The following CSGALNACT1 variants were observed in gnomAD, a reference collection of about 807,000 sequenced individuals.
CSGALNACT1 encodes the protein chondroitin sulfate N-acetylgalactosaminyltransferase 1.
CSGALNACT1 carries 52 observed loss-of-function variants against 51.0 expected under a neutral mutation model. The ratio of observed to expected loss-of-function variants is 1.02; its 90% CI spans 0.82 to 1.29. CSGALNACT1 has a LOEUF of 1.29. Among genes scored for constraint, CSGALNACT1 ranks in the 50% most tolerant of loss-of-function variants. The pLI is 0.00. For synonymous variants in CSGALNACT1, 341 were observed against 254.4 expected, an observed-to-expected ratio of 1.34 and a Z score of -3.24; for missense variants, 935 against 679.2, an observed-to-expected ratio of 1.38 and a Z score of -4.19.
rs975427345 is a variant in CSGALNACT1, at chr8:19,597,657, C to T, written c.-416+4114G>A. Among the ~76,000 whole-genome samples the T allele has an allele frequency of 6.6e-5, 10 of 152,156 alleles. 1 individual carries two copies. The highest frequency in any genetic ancestry group is 2.6e-4 in the Admixed American group (4 of 15,268). ...ACTAAGCAGGCAAAGTGCCGGAGTC[C>T]GATCCCTTGCCTCCAAGGCAGCAGA... On this transcript the variant is annotated intron_variant, in intron 2 of 9. Coordinates refer to ENST00000454498, the Ensembl canonical transcript of CSGALNACT1.
chr8:19,557,816 C>A (rs1400421316), intron 3 of CSGALNACT1, among the ~76,000 whole-genome samples: 1 of 152,156 alleles, frequency 6.6e-6, no homozygotes, highest in Non-Finnish European at 1.5e-5. Flanking sequence ...AACATAAACC[C>A]CATGAGGAAG....
chr8:19,408,745 T>C, intron 8 of CSGALNACT1, 51 bp from the exon 8 acceptor site: 1 of 1,549,290 alleles, frequency 6.5e-7, no homozygotes, highest in Admixed American at 1.7e-5. Context: ...TGGACAAAAA[T>C]AGAGTGTTCA....
chr8:19,756,930 C>A (rs1170589176), intron 1 of CSGALNACT1, among the ~76,000 whole-genome samples: 1 of 151,346 alleles, frequency 6.6e-6, no homozygotes. Context: ...CGCGTCCCCG[C>A]GCGCCCACCT....
chr8:19,448,064 A>G (rs1025537136), intron 5 of CSGALNACT1, among the ~76,000 whole-genome samples: 1 of 152,240 alleles, frequency 6.6e-6, no homozygotes, highest in Non-Finnish European at 1.5e-5. Flanking sequence ...ATGCTTGTAC[A>G]GCCAGTGGAG....
intron 4 of CSGALNACT1, among the ~76,000 whole-genome samples, chr8:19,494,730 C>T (rs554119314): frequency 2.0e-5 from 3 of 152,144 alleles, no homozygotes; most frequent in Non-Finnish European, 4.4e-5. Flanking sequence ...TGGTTCTGTT[C>T]TTTACAATCA....
chr8:19,755,423 C>A, intron 1 of CSGALNACT1, among the ~76,000 whole-genome samples: 1 of 114,540 alleles, frequency 8.7e-6, no homozygotes, highest in Non-Finnish European at 1.7e-5. Flanking sequence ...TTGAAACATG[C>A]TGGAGTTGGG....
chr8:19,569,788 A>G (rs1219301037), intron 3 of CSGALNACT1, among the ~76,000 whole-genome samples: 1 of 152,224 alleles, frequency 6.6e-6, no homozygotes, highest in East Asian at 1.9e-4. Context: ...TATCCCTAAT[A>G]GTCCAAAACT....
rs778615221 is a variant in CSGALNACT1, at chr8:19,505,813, G to GC, written c.21dup (p.Leu8AlafsTer32). The GC allele has an allele frequency of 1.2e-6, 2 of 1,612,558 alleles. No homozygotes were observed. Among genetic ancestry groups the GC allele is most frequent in the Non-Finnish European group, 1.7e-6 (2 of 1,180,020 alleles). Reference sequence around the variant, plus strand: ...ACCACCCGGGAAATCCACGCAAGCAGCCCCCGGCGAACCATCATCATTCAG... The same window carrying GC: ...ACCACCCGGGAAATCCACGCAAGCAGCCCCCCGGCGAACCATCATCATTCAG... On this transcript the variant is annotated frameshift_variant, in exon 4 of 10. Transcript: ENST00000454498. LOFTEE classifies it high-confidence loss of function.
At chr8:19,667,824 T>C (rs1029156865) in intron 1 of CSGALNACT1, among the ~76,000 whole-genome samples, 20 of 152,188 alleles carry the variant, frequency 1.3e-4, no homozygotes, top group African/African-American at 4.8e-4. Flanking sequence ...ATTATAAGGG[T>C]ATTACATACT....
intron 3 of CSGALNACT1, among the ~76,000 whole-genome samples, chr8:19,523,582 T>A (rs1298770367): frequency 6.6e-6 from 1 of 152,168 alleles, no homozygotes; most frequent in East Asian, 1.9e-4. Flanking sequence ...CATGGTACTA[T>A]TCACACCCAG....
chr8:19,450,248 G>A (rs904382446), intron 5 of CSGALNACT1, among the ~76,000 whole-genome samples: 2 of 103,488 alleles, frequency 1.9e-5, no homozygotes, highest in Non-Finnish European at 4.1e-5. Context: ...GGGAGGAAGA[G>A]GGGGAGGAAC....
At chr8:19,423,633 C>T (rs890600037) in intron 6 of CSGALNACT1, among the ~76,000 whole-genome samples, 1 of 152,116 alleles carries the variant, frequency 6.6e-6, no homozygotes, top group Admixed American at 6.5e-5. Context: ...CTGACATGAC[C>T]TTAATTTGGA....
intron 6 of CSGALNACT1, among the ~76,000 whole-genome samples, chr8:19,424,305 A>G (rs1475706823): frequency 6.6e-6 from 1 of 152,090 alleles, no homozygotes; most frequent in Non-Finnish European, 1.5e-5. Flanking sequence ...CTGCCAGGTC[A>G]TTATGCTCAG....
chr8:19,616,391 T>A (rs951713892), intron 1 of CSGALNACT1, among the ~76,000 whole-genome samples: 2 of 152,100 alleles, frequency 1.3e-5, no homozygotes, highest in East Asian at 3.9e-4. Flanking sequence ...AAGGTACTGA[T>A]GAGGGGTCAT....
In CSGALNACT1 at chr8:19,723,892, C is replaced by T. The variant is rs2063259478; in HGVS notation, c.-297+33958G>A. On this transcript the variant is annotated intron_variant, in intron 1 of 1. Transcript: ENST00000517494. ...CTCTGACCTATAGTTCCCTGCTTAA[C>T]CAAAGGGTCTATTTTTAAAGATTAG... Among the ~76,000 whole-genome samples the T allele has an allele frequency of 2.6e-5, 4 of 152,068 alleles. No homozygotes were observed. In the South Asian group the frequency reaches 8.3e-4, roughly 32 times the overall value.
At chr8:19,454,849 C>T (rs181422068) in intron 5 of CSGALNACT1, among the ~76,000 whole-genome samples, 29 of 152,134 alleles carry the variant, frequency 1.9e-4, no homozygotes, top group Non-Finnish European at 3.5e-4. Context: ...TTAACTTCAG[C>T]GAGATCTCTT....
At chr8:19,664,130 T>C (rs1228360675) in intron 1 of CSGALNACT1, among the ~76,000 whole-genome samples, 1 of 152,214 alleles carries the variant, frequency 6.6e-6, no homozygotes, top group Non-Finnish European at 1.5e-5. Flanking sequence ...CATTACTTCT[T>C]GATATTGATA....
At chr8:19,564,828 C>A (rs2041576649) in intron 3 of CSGALNACT1, among the ~76,000 whole-genome samples, 1 of 152,120 alleles carries the variant, frequency 6.6e-6, no homozygotes, top group Non-Finnish European at 1.5e-5. Context: ...GAATGTAAGC[C>A]CCATGAAAGC....
At position 19,411,916 on chromosome 8, in the gene CSGALNACT1, C is replaced by T. The variant is rs188800939; in HGVS notation, c.1228-3222G>A. On this transcript the variant is annotated intron_variant, in intron 8 of 9. Coordinates refer to ENST00000454498, the Ensembl canonical transcript of CSGALNACT1. ...TGTGACCTCGGCTCACTGCAACCTCCGCCTCCTGGGTTCAAGCAATTCTCG... is the reference window on the plus strand; with the variant it reads ...TGTGACCTCGGCTCACTGCAACCTCTGCCTCCTGGGTTCAAGCAATTCTCG... Among the ~76,000 whole-genome samples the T allele has an allele frequency of 5.9e-5, 9 of 151,784 alleles. No individual in the cohort carries two copies. In the South Asian group the frequency reaches 8.3e-4, roughly 14 times the overall value.
Sources: allele counts gnomAD v4.1 joint callset (sites outside exome capture counted in the v4.1 genomes callset), GRCh38; gene constraint gnomAD v4.1.1; transcripts MANE v1.5; gene names NCBI Gene and HGNC (gene_info 2026-07-23, HGNC 2026-07-21).